NR1H4: variants seen among roughly 807,000 people sequenced by gnomAD.
The protein encoded by NR1H4 is bile acid receptor.
In NR1H4, 23 loss-of-function variants were observed where a neutral mutation model predicts 58.5. The observed-to-expected ratio is 0.39, with a 90% CI of 0.28 to 0.56. NR1H4 has a LOEUF of 0.56. Ranked by LOEUF, NR1H4 falls within the 20% of genes least tolerant of loss-of-function variation. NR1H4 has a pLI of 0.58. For synonymous variants in NR1H4, 214 were observed against 198.0 expected, an observed-to-expected ratio of 1.08 and a Z score of -0.68; for missense variants, 487 against 576.9, an observed-to-expected ratio of 0.84 and a Z score of 1.60.
intron 4 of NR1H4, among the ~76,000 whole-genome samples, chr12:100,531,210 C>A (rs957269565): frequency 6.6e-6 from 1 of 152,180 alleles, no homozygotes; most frequent in Non-Finnish European, 1.5e-5. Context: ...AATCCCAGCA[C>A]TTTGGGAGGC....
At chr12:100,485,546 T>C (rs1001140592) in intron 1 of NR1H4, among the ~76,000 whole-genome samples, 6 of 151,788 alleles carry the variant, frequency 4.0e-5, no homozygotes, top group Admixed American at 2.6e-4. Flanking sequence ...TATTTTTTAA[T>C]TTTTTTTGAG....
intron 1 of NR1H4, among the ~76,000 whole-genome samples, chr12:100,479,466 C>T (rs889431582): frequency 1.3e-5 from 2 of 152,214 alleles, no homozygotes; most frequent in African/African-American, 4.8e-5. Flanking sequence ...CTGATTTGAG[C>T]TGAGTCCACT....
In NR1H4 at chr12:100,526,361, T is replaced by C. The variant is rs996379897; in HGVS notation, c.446-6097T>C. The stretch of plus-strand genomic sequence containing the variant: ...CCCATAAATTTTGATAAATTGTATT[T>C]TCATTTCCCTTTAGTTCATTTTCAC... On this transcript the variant is annotated intron_variant, in intron 4 of 10. Coordinates refer to ENST00000392986, the MANE Select transcript of NR1H4 (RefSeq NM_001206979.2). 3.9e-5 allele frequency among the ~76,000 whole-genome samples: 6 copies of C among 152,234 alleles called. No individual in the cohort carries two copies. In the South Asian group the frequency reaches 1.2e-3, roughly 31 times the overall value.
At chr12:100,545,369 C>G (rs1350942095) in intron 9 of NR1H4, among the ~76,000 whole-genome samples, 1 of 151,992 alleles carries the variant, frequency 6.6e-6, no homozygotes, top group East Asian at 1.9e-4. Context: ...GCTGAGCATG[C>G]TGACTCACAC....
intron 5 of NR1H4, among the ~76,000 whole-genome samples, chr12:100,534,331 T>A (rs919441827): frequency 6.6e-6 from 1 of 152,236 alleles, no homozygotes; most frequent in Non-Finnish European, 1.5e-5. Context: ...AACAGGATTT[T>A]AAAAATTTCC....
At chr12:100,559,777 C>T (rs1565787022) in intron 9 of NR1H4, among the ~76,000 whole-genome samples, 2 of 152,224 alleles carry the variant, frequency 1.3e-5, no homozygotes, top group Non-Finnish European at 2.9e-5. Flanking sequence ...GCGCAGGGCG[C>T]ATGACTGGCA....
At chr12:100,537,641 A>C (rs1465728614) in intron 8 of NR1H4, among the ~76,000 whole-genome samples, 2 of 152,268 alleles carry the variant, frequency 1.3e-5, no homozygotes, top group East Asian at 3.8e-4. Context: ...TGAGTCTAAA[A>C]GAAAAAGAAG....
intron 9 of NR1H4, among the ~76,000 whole-genome samples, chr12:100,541,287 T>G (rs1461438407): frequency 6.6e-6 from 1 of 150,984 alleles, no homozygotes; most frequent in Admixed American, 6.6e-5. Context: ...TTTTCTTCCT[T>G]TCTTTTTTTT....
At chr12:100,504,541 T>C (rs1007196798) in intron 3 of NR1H4, among the ~76,000 whole-genome samples, 1 of 152,214 alleles carries the variant, frequency 6.6e-6, no homozygotes, top group Non-Finnish European at 1.5e-5. Flanking sequence ...TATAGTCTAA[T>C]ATTTTCCCTC....
intron 3 of NR1H4, chr12:100,505,842 T>C (rs1241411525): frequency 2.2e-6 from 1 of 450,642 alleles, no homozygotes; most frequent in Admixed American, 3.7e-5. Flanking sequence ...TTTCTGCCAA[T>C]GTTGTATTTG....
At chr12:100,535,207 A>C (rs1475609813) in intron 6 of NR1H4, among the ~76,000 whole-genome samples, 184 bp downstream of exon 6, 1 of 152,246 alleles carries the variant, frequency 6.6e-6, no homozygotes, top group Non-Finnish European at 1.5e-5. Context: ...GCAATGCATA[A>C]ACTAAAAAGT....
chr12:100,557,024 AT>A lies in NR1H4; in HGVS notation c.1079-4853del, dbSNP rs1363305014. Among the ~76,000 whole-genome samples the A allele has an allele frequency of 3.3e-5, 5 of 151,990 alleles. 1 individual carries two copies. In the South Asian group the frequency reaches 1.0e-3, roughly 32 times the overall value. The stretch of plus-strand genomic sequence containing the variant: ...TCCTTTTTGTATTCATTTTATTTTA[AT>A]TTTTTTTACATTTTATTTTAGATTC... On this transcript the variant is annotated intron_variant, in intron 9 of 10. Transcript: ENST00000392986.
chr12:100,560,619 C>A (rs1175201903), intron 9 of NR1H4, among the ~76,000 whole-genome samples: 2 of 152,284 alleles, frequency 1.3e-5, no homozygotes, highest in East Asian at 3.9e-4. Context: ...AGATGTGCCA[C>A]CTTAAGAGCT....
chr12:100,540,762 A>G lies in NR1H4; in HGVS notation c.1022A>G (p.Asn341Ser). The change falls in exon 9 of 11, where the codon AAT becomes AGT. Residue 341 changes from asparagine to serine, a missense_variant. Transcript: ENST00000392986. ...AMFLRSAEIF[N>S]KKLPSGHSDL... ...TTCCTTCGTTCAGCTGAGATTTTCAATAAGAAACTTCCGTCTGGGCATTCT... is the reference window on the plus strand; with the variant it reads ...TTCCTTCGTTCAGCTGAGATTTTCAGTAAGAAACTTCCGTCTGGGCATTCT... 1 of 1,614,200 alleles carries G rather than the reference A, an allele frequency of 6.2e-7. No individual in the cohort carries two copies. The highest frequency in any genetic ancestry group is 8.5e-7 in the Non-Finnish European group (1 of 1,180,022).
At position 100,537,055 on chromosome 12, in the gene NR1H4, T is replaced by C. The variant is rs1156894435; in HGVS notation, c.931+8T>C. On this transcript the variant is annotated splice_region_variant and intron_variant, in intron 8 of 10. Coordinates refer to ENST00000392986, the MANE Select transcript of NR1H4 (RefSeq NM_001206979.2). ...TCACAAAAAAGCTACCAGGTATTTT[T>C]TAAATAATCAAAGTTAATATTTATT... is the stretch of plus-strand genomic sequence containing the variant. 5 of 1,520,148 alleles carry C rather than the reference T, an allele frequency of 3.3e-6. No homozygotes were observed. Among genetic ancestry groups the C allele is most frequent in the Non-Finnish European group, 4.5e-6 (5 of 1,100,064 alleles). The allele number at this position is 1,520,148 out of a possible 1,614,324, so 94.2% of individuals were successfully genotyped here.
intron 4 of NR1H4, among the ~76,000 whole-genome samples, chr12:100,512,030 C>T (rs1210556998): frequency 1.3e-5 from 2 of 149,238 alleles, no homozygotes; most frequent in African/African-American, 5.0e-5. Context: ...TCCAGGAGTT[C>T]GAGACTAGAT....
chr12:100,518,774 T>C (rs1483603405), intron 4 of NR1H4, among the ~76,000 whole-genome samples: 1 of 151,604 alleles, frequency 6.6e-6, no homozygotes, highest in Non-Finnish European at 1.5e-5. Context: ...CTGAACACTG[T>C]TCTTGACCAA....
At chr12:100,553,483 C>A (rs978769877) in intron 9 of NR1H4, among the ~76,000 whole-genome samples, 3 of 152,112 alleles carry the variant, frequency 2.0e-5, no homozygotes, top group Non-Finnish European at 4.4e-5. Flanking sequence ...GGATGGGGTG[C>A]CTTAGTCTAA....
intron 3 of NR1H4, among the ~76,000 whole-genome samples, chr12:100,496,939 AT>A (rs1202382649): frequency 6.6e-6 from 1 of 152,120 alleles, no homozygotes. Flanking sequence ...TGAAGGGGAA[AT>A]TTCTTCACCC....
Sources: gnomAD v4.1 joint callset for allele counts (sites outside exome capture counted in the v4.1 genomes callset) on GRCh38, gnomAD v4.1.1 for gene constraint, MANE v1.5 for transcripts, NCBI Gene and HGNC (gene_info 2026-07-23, HGNC 2026-07-21) for gene names.